The following SCTR variants were observed in gnomAD, a reference collection of about 807,000 sequenced individuals.
SCTR encodes secretin receptor, also known as pancreatic secretin receptor.
SCTR carries 56 observed loss-of-function variants against 60.8 expected under a neutral mutation model. The observed-to-expected ratio is 0.92, with a 90% confidence interval of 0.74 to 1.15. The LOEUF is 1.15. SCTR is among the 50% of genes most tolerant of loss of function. The pLI is 0.00. For missense variants in SCTR, 562 were observed against 550.4 expected, an observed-to-expected ratio of 1.02 and a Z score of -0.21; for synonymous variants, 202 against 217.0, an observed-to-expected ratio of 0.93 and a Z score of 0.61.
intron 1 of SCTR, among the ~76,000 whole-genome samples, chr2:119,515,377 C>T (rs1290021925): frequency 3.9e-5 from 6 of 152,200 alleles, no homozygotes; most frequent in Admixed American, 3.3e-4. Context: ...AATTACTTTT[C>T]AGTGTCAACT....
chr2:119,509,885 T>C (rs969582967), intron 1 of SCTR, among the ~76,000 whole-genome samples: 1 of 152,110 alleles, frequency 6.6e-6, no homozygotes, highest in Non-Finnish European at 1.5e-5. Context: ...TCTAGATACC[T>C]CACATAAATG....
intron 2 of SCTR, among the ~76,000 whole-genome samples, chr2:119,494,119 T>C (rs543860678): frequency 3.7e-4 from 56 of 152,256 alleles, no homozygotes; most frequent in African/African-American, 1.3e-3. Flanking sequence ...AGAGGAGAAC[T>C]GTCTTGCAGA....
At chr2:119,490,102 G>A (rs916104439) in intron 2 of SCTR, among the ~76,000 whole-genome samples, 1 of 152,138 alleles carries the variant, frequency 6.6e-6, no homozygotes, top group African/African-American at 2.4e-5. Flanking sequence ...CAGTTTCCGG[G>A]GGTAGCAGGA....
At chr2:119,515,082 A>G (rs1205068941) in intron 1 of SCTR, among the ~76,000 whole-genome samples, 2 of 152,176 alleles carry the variant, frequency 1.3e-5, no homozygotes, top group Non-Finnish European at 2.9e-5. Flanking sequence ...ATTTTAGCAA[A>G]CATTTATTGG....
rs753515022 is a variant in SCTR at position 119,458,918 on chromosome 2, C to G, written c.790+2929G>C. Reference sequence around the variant, plus strand: ...CAGAACCGCCAGTGCCAGCCGCTCACTCTCACTCGCTGAGTGGCAGCCTGG... The same window carrying G: ...CAGAACCGCCAGTGCCAGCCGCTCAGTCTCACTCGCTGAGTGGCAGCCTGG... On this transcript the variant is annotated intron_variant, in intron 7 of 12. Coordinates refer to ENST00000019103, the MANE Select transcript of SCTR (RefSeq NM_002980.3). Among the ~76,000 whole-genome samples, 3 of 152,222 alleles carry G rather than the reference C, an allele frequency of 2.0e-5. No homozygotes were observed. In the South Asian group the frequency reaches 6.2e-4, roughly 32 times the overall value.
At chr2:119,473,420 C>G in intron 4 of SCTR, 33 bp downstream of exon 4, 1 of 1,490,504 alleles carries the variant, frequency 6.7e-7, no homozygotes, top group East Asian at 2.3e-5. Flanking sequence ...GTTCCTGTCC[C>G]CGGGTTCGTG....
At chr2:119,477,437 T>TTTTGTTTG (rs72343036) in intron 3 of SCTR, among the ~76,000 whole-genome samples, 1,526 of 151,242 alleles carry the variant, frequency 0.01, 25 homozygotes, top group African/African-American at 0.034. Flanking sequence ...TCTGGACGTT[T>TTTTGTTTG]TTTGTTTGTT....
Position 119,460,007 on chromosome 2 carries a change from G to A in SCTR, c.790+1840C>T, listed in dbSNP as rs541892633. Among the ~76,000 whole-genome samples, 39 of 151,934 alleles carry A rather than the reference G, an allele frequency of 2.6e-4. 1 individual carries two copies. In the South Asian group the frequency reaches 5.8e-3, roughly 23 times the overall value. On this transcript the variant is annotated intron_variant, in intron 7 of 12. Transcript: ENST00000019103. The stretch of plus-strand genomic sequence containing the variant: ...TCTGGGATTGCTGGCCTCTAGAGAC[G>A]TCGGCATAACTCTGCAACCTCCCGA...
intron 2 of SCTR, among the ~76,000 whole-genome samples, chr2:119,491,615 G>T (rs534360884): frequency 6.6e-6 from 1 of 152,076 alleles, no homozygotes; most frequent in South Asian, 2.1e-4. Context: ...GGGTTCAAGC[G>T]ATCCTCCTGC....
intron 1 of SCTR, among the ~76,000 whole-genome samples, chr2:119,522,308 A>G (rs903670365): frequency 8.5e-5 from 13 of 152,202 alleles, no homozygotes; most frequent in African/African-American, 1.9e-4. Flanking sequence ...AAAGAAAAAA[A>G]AAAAAGAAAA....
At chr2:119,518,592 C>A (rs1417939843) in intron 1 of SCTR, among the ~76,000 whole-genome samples, 1 of 152,150 alleles carries the variant, frequency 6.6e-6, no homozygotes, top group Non-Finnish European at 1.5e-5. Context: ...CCCCAGGAGT[C>A]CATAGGAATG....
chr2:119,462,554 C>T (rs1292816974), intron 6 of SCTR, among the ~76,000 whole-genome samples: 1 of 152,206 alleles, frequency 6.6e-6, no homozygotes, highest in East Asian at 1.9e-4. Flanking sequence ...GTTGGACTTC[C>T]CTGATGCAGT....
chr2:119,461,099 C>T (rs535595116), intron 7 of SCTR, among the ~76,000 whole-genome samples: 14 of 152,318 alleles, frequency 9.2e-5, no homozygotes, highest in East Asian at 3.9e-4. Flanking sequence ...AACAGTGTGA[C>T]GCTGCTGGAT....
intron 12 of SCTR, among the ~76,000 whole-genome samples, chr2:119,440,961 C>T (rs957274756): frequency 1.3e-5 from 2 of 152,218 alleles, no homozygotes; most frequent in Non-Finnish European, 2.9e-5. Context: ...TCACAGAAAG[C>T]CTTAGCTCAT....
chr2:119,491,522 A>T (rs1474489472), intron 2 of SCTR, among the ~76,000 whole-genome samples: 2 of 151,664 alleles, frequency 1.3e-5, no homozygotes, highest in Admixed American at 6.6e-5. Flanking sequence ...TATTAATATT[A>T]TTTTTTTTGA....
chr2:119,445,249 A>T (rs1682882011), intron 11 of SCTR, among the ~76,000 whole-genome samples: 1 of 152,064 alleles, frequency 6.6e-6, no homozygotes, highest in Non-Finnish European at 1.5e-5. Flanking sequence ...TGGTCCTCAA[A>T]TCCTCTACCT....
intron 2 of SCTR, among the ~76,000 whole-genome samples, chr2:119,482,754 C>T (rs1275053434): frequency 6.6e-6 from 1 of 152,162 alleles, no homozygotes; most frequent in Non-Finnish European, 1.5e-5. Context: ...TACCCAGATG[C>T]CTGTGGGATG....
rs1200116142 is a variant in SCTR at position 119,519,828 on chromosome 2, GA to G, written c.72+4326del. On this transcript the variant is annotated intron_variant, in intron 1 of 12. Coordinates refer to ENST00000019103, the MANE Select transcript of SCTR (RefSeq NM_002980.3). Reference sequence around the variant, plus strand: ...TCTGTCTCAAAAAAAAAAAAAAAAAGAAAAAAAGAAAAGAAAAACAAAGAAA... The same window carrying G: ...TCTGTCTCAAAAAAAAAAAAAAAAAGAAAAAAGAAAAGAAAAACAAAGAAA... Among the ~76,000 whole-genome samples, 6 of 55,900 alleles carry G rather than the reference GA, an allele frequency of 1.1e-4. No individual in the cohort carries two copies. The East Asian group carries it at 3.7e-3, about 35-fold the overall frequency. 36.7% of individuals were successfully genotyped at this position (55,900 alleles called of 152,430 possible).
intron 9 of SCTR, 96 bp downstream of exon 9, chr2:119,451,914 C>A (rs1329127204): frequency 3.9e-6 from 3 of 765,776 alleles, no homozygotes; most frequent in Non-Finnish European, 4.6e-6. Context: ...CTGGCACCTG[C>A]AGGGAGCCCT....
Sources: gnomAD v4.1 joint callset for allele counts (sites outside exome capture counted in the v4.1 genomes callset) on GRCh38, gnomAD v4.1.1 for gene constraint, MANE v1.5 for transcripts, NCBI Gene and HGNC (gene_info 2026-07-23, HGNC 2026-07-21) for gene names.